The following AMOTL1 variants were observed in gnomAD, a reference collection of about 807,000 sequenced individuals.
AMOTL1 encodes the protein angiomotin-like protein 1.
Under a neutral mutation model 102.9 loss-of-function variants are expected in AMOTL1, and 45 were observed. That is an observed-to-expected ratio of 0.44 (90% CI 0.34 to 0.56). The LOEUF (loss-of-function observed/expected upper bound fraction) is 0.56, where lower values mean the gene tolerates loss of function less well. Among genes scored for constraint, AMOTL1 ranks in the 20% least tolerant of loss-of-function variants. AMOTL1 has a pLI of 0.01. For synonymous variants in AMOTL1, 481 were observed against 484.7 expected (o/e 0.99, Z 0.10); for missense variants, 1,114 against 1,225.6 (o/e 0.91, Z 1.36).
At chr11:94,826,645 T>C (rs1441782042) in intron 4 of AMOTL1, among the ~76,000 whole-genome samples, 2 of 152,112 alleles carry the variant, frequency 1.3e-5, no homozygotes, top group East Asian at 3.9e-4. Flanking sequence ...CAAAATCCAG[T>C]CTAGTCTTAC....
At position 94,713,452 on chromosome 11, in the gene AMOTL1, T is replaced by C. The variant is rs138253366; in HGVS notation, c.-51+6855T>C. Among the ~76,000 whole-genome samples the C allele has an allele frequency of 9.2e-3, 1,396 of 152,020 alleles. 13 individuals carry two copies. Among genetic ancestry groups the C allele is most frequent in the Middle Eastern group, 0.014 (4 of 294 alleles). Reference sequence around the variant, plus strand: ...TTTGATAGGAATCCTGTTAGACATGTAGTTTAATTTGGGGAGAAATGACAT... The same window carrying C: ...TTTGATAGGAATCCTGTTAGACATGCAGTTTAATTTGGGGAGAAATGACAT... On this transcript the variant is annotated intron_variant, in intron 1 of 4. Transcript: ENST00000299004.
intron 1 of AMOTL1, among the ~76,000 whole-genome samples, chr11:94,777,220 G>C (rs1448228727): frequency 6.6e-6 from 1 of 152,166 alleles, no homozygotes; most frequent in Non-Finnish European, 1.5e-5. Context: ...TGTCAGGTTT[G>C]TTTAAACTAG....
rs1389028739 is a variant in AMOTL1, at chr11:94,876,191, A to G, written c.*5396A>G. The G allele has an allele frequency of 6.6e-6, 1 of 152,652 alleles. No individual in the cohort carries two copies. Among genetic ancestry groups the G allele is most frequent in the Non-Finnish European group, 1.5e-5 (1 of 68,034 alleles). 9.5% of individuals were successfully genotyped at this position (152,652 alleles called of 1,614,324 possible). ...TACAAAACGGAATGTAAGCAAATAT[A>G]TCCACATTGGTTTTATTTGAATCAA... is the stretch of plus-strand genomic sequence containing the variant. On this transcript the variant is annotated 3_prime_UTR_variant, in exon 13 of 13. Transcript: ENST00000433060.
At chr11:94,801,267 G>A (rs1351942870) in intron 3 of AMOTL1, among the ~76,000 whole-genome samples, 1 of 152,174 alleles carries the variant, frequency 6.6e-6, no homozygotes, top group African/African-American at 2.4e-5. Context: ...TTCAGACAAA[G>A]AGGTCATGAG....
chr11:94,707,244 CTCTCTCTGTG>C (rs1319500503), intron 1 of AMOTL1, among the ~76,000 whole-genome samples: 20 of 55,472 alleles, frequency 3.6e-4, no homozygotes, highest in East Asian at 1.9e-3. Context: ...CTCTCTCTCT[CTCTCTCTGTG>C]TGTGTGTGTG....
intron 3 of AMOTL1, among the ~76,000 whole-genome samples, chr11:94,761,545 C>CCT (rs1386198854): frequency 6.6e-6 from 1 of 151,792 alleles, no homozygotes; most frequent in South Asian, 2.1e-4. Flanking sequence ...TTTAATTATT[C>CCT]CTCTCTCTCT....
chr11:94,754,259 C>G (rs1408542193), intron 3 of AMOTL1, among the ~76,000 whole-genome samples: 3 of 152,182 alleles, frequency 2.0e-5, no homozygotes, highest in African/African-American at 7.2e-5. Context: ...GCCAGGCTGG[C>G]TTTCCAGATG....
intron 12 of AMOTL1, among the ~76,000 whole-genome samples, chr11:94,869,963 C>T (rs185452389): frequency 1.3e-5 from 2 of 152,272 alleles, no homozygotes; most frequent in South Asian, 2.1e-4. Context: ...CCAGGACTAA[C>T]GAGCTGTTTA....
chr11:94,707,488 G>A (rs971882112), intron 1 of AMOTL1, among the ~76,000 whole-genome samples: 3 of 152,122 alleles, frequency 2.0e-5, no homozygotes, highest in African/African-American at 7.2e-5. Flanking sequence ...AAATGAAAAT[G>A]TTGAGAATTG....
rs142142524 is a variant in AMOTL1 at position 94,781,106 on chromosome 11, C to T, written c.49+12546C>T. Among the ~76,000 whole-genome samples the T allele has an allele frequency of 2.5e-3, 386 of 152,186 alleles. 2 individuals carry two copies. The highest frequency in any genetic ancestry group is 9.1e-3 in the African/African-American group (376 of 41,542). ...TCTTTTCTCCTCACCTAAAACTAAT[C>T]TCATGGAGCCTTTTTTTCCCCTAGT... On this transcript the variant is annotated intron_variant, in intron 1 of 12. Transcript: ENST00000433060.
intron 1 of AMOTL1, among the ~76,000 whole-genome samples, chr11:94,724,746 A>G (rs1331137572): frequency 1.3e-5 from 2 of 152,148 alleles, no homozygotes; most frequent in Admixed American, 6.5e-5. Flanking sequence ...CCAAGTTAGT[A>G]TTTATCAAAT....
At chr11:94,743,779 C>T (rs1446574891) in intron 3 of AMOTL1, among the ~76,000 whole-genome samples, 1 of 151,398 alleles carries the variant, frequency 6.6e-6, no homozygotes, top group Non-Finnish European at 1.5e-5. Context: ...CTGCCTCAGC[C>T]TCCCAACTAG....
intron 4 of AMOTL1, among the ~76,000 whole-genome samples, chr11:94,822,218 CAGGTGGATCGCTTGAGCCTGGG>C (rs1456855647): frequency 6.6e-6 from 1 of 152,154 alleles, no homozygotes; most frequent in Non-Finnish European, 1.5e-5. Context: ...GAGGCTGAGG[CAGGTGGATCGCTTGAGCCTGGG>C]AGTTTGAGAC....
Position 94,844,926 on chromosome 11 carries a change from G to A in AMOTL1, c.1649-5188G>A, listed in dbSNP as rs79965660. Reference sequence around the variant, plus strand: ...CTATCTCTCCAGCTACATGGGGTAGGGAAAAACTTCTCAAAAATCCGTTAT... The same window carrying A: ...CTATCTCTCCAGCTACATGGGGTAGAGAAAAACTTCTCAAAAATCCGTTAT... On this transcript the variant is annotated intron_variant, in intron 6 of 12. Coordinates refer to ENST00000433060, the MANE Select transcript of AMOTL1 (RefSeq NM_130847.3). 6.7e-3 allele frequency among the ~76,000 whole-genome samples: 1,017 copies of A among 152,256 alleles called. 15 individuals are homozygous for A. The highest frequency in any genetic ancestry group is 0.023 in the African/African-American group (957 of 41,530).
intron 6 of AMOTL1, among the ~76,000 whole-genome samples, chr11:94,834,906 G>T (rs898462550): frequency 6.6e-6 from 1 of 152,146 alleles, no homozygotes; most frequent in Non-Finnish European, 1.5e-5. Flanking sequence ...ACTGAACTCT[G>T]CTCTTAAGTT....
intron 1 of AMOTL1, among the ~76,000 whole-genome samples, chr11:94,792,976 A>G (rs1443051280): frequency 6.6e-6 from 1 of 152,178 alleles, no homozygotes; most frequent in East Asian, 1.9e-4. Flanking sequence ...TTGTAGTGAC[A>G]GTGAATGGCT....
Position 94,870,749 on chromosome 11 carries a change from A to G in AMOTL1, c.2825A>G (p.His942Arg), listed in dbSNP as rs1188652752. 3 of 1,603,726 alleles carry G rather than the reference A, an allele frequency of 1.9e-6. No individual in the cohort carries two copies. The highest frequency in any genetic ancestry group is 2.3e-5 in the South Asian group (2 of 88,830). ...DHRGRVSSLL[H>R]KPEFPDGEMM... ...AGAGGCCGGGTCAGCAGCTTGCTGCACAAGCCCGAGTTCCCTGATGGAGAG... is the reference window on the plus strand; with the variant it reads ...AGAGGCCGGGTCAGCAGCTTGCTGCGCAAGCCCGAGTTCCCTGATGGAGAG... Residue 942 changes from histidine (H) to arginine (R), a missense_variant, in exon 13 of 13, where the codon CAC (histidine) becomes CGC (arginine). By Grantham distance (29) the His-to-Arg change is conservative. Transcript: ENST00000433060.
rs1953098139 is a variant in AMOTL1, at chr11:94,876,514, C to T, written c.*5719C>T. 6.6e-6 allele frequency: 1 copy of T among 152,624 alleles called. No individual in the cohort carries two copies. Among genetic ancestry groups the T allele is most frequent in the South Asian group, 2.1e-4 (1 of 4,826 alleles). The allele number at this position is 152,624 out of a possible 1,614,324, so 9.5% of individuals were successfully genotyped here. A position where few individuals can be genotyped will look rare whatever the true frequency, so the allele number is the denominator to read the frequency against. ...GGGGTGATGTACATGGCCATACAGC[C>T]AAATGGGTCTGTGTACCAGTGTGGG... is the stretch of plus-strand genomic sequence containing the variant. On this transcript the variant is annotated 3_prime_UTR_variant, in exon 13 of 13. Coordinates refer to ENST00000433060, the MANE Select transcript of AMOTL1 (RefSeq NM_130847.3).
chr11:94,828,907 C>T (rs2135654651), intron 4 of AMOTL1, among the ~76,000 whole-genome samples: 1 of 152,278 alleles, frequency 6.6e-6, no homozygotes, highest in Admixed American at 6.5e-5. Context: ...TTAGCAGCAT[C>T]TCATCAAGCA....
Sources: gnomAD v4.1 joint callset for allele counts (sites outside exome capture counted in the v4.1 genomes callset) on GRCh38, gnomAD v4.1.1 for gene constraint, MANE v1.5 for transcripts, NCBI Gene and HGNC (gene_info 2026-07-23, HGNC 2026-07-21) for gene names.